Variants in COPS5 observed in about 807,000 individuals in gnomAD.
COPS5 encodes the protein COP9 signalosome subunit 5, also known as COP9 signalosome complex subunit 5.
COPS5 carries 8 observed loss-of-function variants against 44.4 expected under a neutral mutation model. The ratio of observed to expected loss-of-function variants is 0.18; its 90% CI spans 0.11 to 0.32. COPS5 has a LOEUF of 0.32. Among genes scored for constraint, COPS5 ranks in the 10% least tolerant of loss-of-function variants. The probability of loss-of-function intolerance (pLI) is 1.00; values close to 1 mark genes in which losing one functional copy is unlikely to be tolerated. For synonymous variants in COPS5, 122 were observed against 142.8 expected, an observed-to-expected ratio of 0.85 and a Z score of 1.04; for missense variants, 159 against 406.4, an observed-to-expected ratio of 0.39 and a Z score of 5.23.
intron 1 of COPS5, chr8:67,061,510 C>T: frequency 4.6e-6 from 2 of 434,888 alleles, no homozygotes; most frequent in Middle Eastern, 3.7e-4. Flanking sequence ...AGCTGCAATC[C>T]CCAGTTTGGG....
intron 4 of COPS5, 87 bp from the exon 5 acceptor site, chr8:67,056,691 ATATATATATATATATATAT>A (rs1195875475): frequency 7.5e-4 from 98 of 131,054 alleles, no homozygotes; most frequent in Middle Eastern, 3.6e-3. Flanking sequence ...ATATATATAT[ATATATATATATATATATAT>A]AAAAATGAGA....
At position 67,061,837 on chromosome 8, in the gene COPS5, G is replaced by T. The variant is rs1007678657; in HGVS notation, c.143+17C>A. On this transcript the variant is annotated intron_variant, in intron 1 of 7. Coordinates refer to ENST00000357849, the MANE Select transcript of COPS5 (RefSeq NM_006837.3). ...CCACCCTTTCCCTCCCCTGCGTCTC[G>T]CCAGGGACCTCCTCACTCCTTAGTC... is the stretch of plus-strand genomic sequence containing the variant. 6.2e-7 allele frequency: 1 copy of T among 1,613,310 alleles called. No homozygotes were observed. Among genetic ancestry groups the T allele is most frequent in the Non-Finnish European group, 8.5e-7 (1 of 1,179,460 alleles).
At chr8:67,047,645 G>A in intron 6 of COPS5, 1 of 578,658 alleles carries the variant, frequency 1.7e-6, no homozygotes. Context: ...ATGCTGCAAT[G>A]TACTATACAT....
intron 5 of COPS5, among the ~76,000 whole-genome samples, chr8:67,054,708 A>T (rs1804474310): frequency 6.6e-6 from 1 of 152,258 alleles, no homozygotes; most frequent in Non-Finnish European, 1.5e-5. Flanking sequence ...GTAGTAGCAC[A>T]TGGGTAGCCA....
At chr8:67,060,609 T>G in intron 1 of COPS5, 1 of 705,154 alleles carries the variant, frequency 1.4e-6, no homozygotes, top group Non-Finnish European at 2.1e-6. Context: ...CGACTCTTTT[T>G]ATACATTATC....
In COPS5 at chr8:67,050,734, C is replaced by T. The variant is rs374417065; in HGVS notation, c.771+496G>A. Among the ~76,000 whole-genome samples the T allele has an allele frequency of 4.1e-5, 6 of 147,548 alleles. No individual in the cohort carries two copies. The East Asian group carries it at 5.9e-4, about 15-fold the overall frequency. On this transcript the variant is annotated intron_variant, in intron 6 of 7. Coordinates refer to ENST00000357849, the MANE Select transcript of COPS5 (RefSeq NM_006837.3). Reference sequence around the variant, plus strand: ...GCTTTCACATGAAGCCTGAAACTAGCGTTAACTAAGATGAAATCAATGCTA... The same window carrying T: ...GCTTTCACATGAAGCCTGAAACTAGTGTTAACTAAGATGAAATCAATGCTA...
At chr8:67,052,327 G>A (rs927483810) in intron 5 of COPS5, among the ~76,000 whole-genome samples, 3 of 151,628 alleles carry the variant, frequency 2.0e-5, no homozygotes, top group Non-Finnish European at 2.9e-5. Context: ...GGGTTTAGCT[G>A]GAAAATTTAG....
chr8:67,062,066 G>T lies in COPS5; in HGVS notation c.-70C>A. 1 of 1,608,974 alleles carries T rather than the reference G, an allele frequency of 6.2e-7. No homozygotes were observed. Among genetic ancestry groups the T allele is most frequent in the Non-Finnish European group, 8.5e-7 (1 of 1,178,466 alleles). ...ACTTTACCTCGCTAGGTTTCCGGGTGTGGGCCTTGACCCTCCGCACCACGG... is the reference window on the plus strand; with the variant it reads ...ACTTTACCTCGCTAGGTTTCCGGGTTTGGGCCTTGACCCTCCGCACCACGG... On this transcript the variant is annotated 5_prime_UTR_variant, in exon 1 of 8. Coordinates refer to ENST00000357849, the MANE Select transcript of COPS5 (RefSeq NM_006837.3).
At chr8:67,051,372 T>TAA in intron 5 of COPS5, 31 bp from the exon 6 acceptor site, 32 of 1,102,488 alleles carry the variant, frequency 2.9e-5, no homozygotes, top group South Asian at 6.3e-5. Flanking sequence ...ATTTAGTAAG[T>TAA]AAAAAAAAAA....
At chr8:67,061,217 T>C (rs1317207501) in intron 1 of COPS5, 1 of 266,604 alleles carries the variant, frequency 3.8e-6, no homozygotes, top group Non-Finnish European at 7.5e-6. Flanking sequence ...TTATAATTTC[T>C]GGCTTATGGG....
At chr8:67,052,085 T>TTA (rs1334152225) in intron 5 of COPS5, among the ~76,000 whole-genome samples, 1 of 152,180 alleles carries the variant, frequency 6.6e-6, no homozygotes, top group Non-Finnish European at 1.5e-5. Flanking sequence ...CAATAAGTGA[T>TTA]GCTACAGTGC....
intron 5 of COPS5, 121 bp downstream of exon 5, chr8:67,056,398 T>A (rs1216892589): frequency 1.2e-5 from 4 of 343,558 alleles, no homozygotes; most frequent in African/African-American, 9.1e-5. Flanking sequence ...TCTCACTATG[T>A]TGCCCAGGCT....
intron 1 of COPS5, chr8:67,061,642 T>C: frequency 1.7e-6 from 1 of 575,572 alleles, no homozygotes; most frequent in Non-Finnish European, 3.1e-6. Context: ...GTTCTCCCCT[T>C]ACATCACCCG....
chr8:67,055,874 G>C (rs1440857907), intron 5 of COPS5, among the ~76,000 whole-genome samples: 1 of 119,250 alleles, frequency 8.4e-6, no homozygotes, highest in Non-Finnish European at 1.7e-5. Flanking sequence ...TTGGGGGTGG[G>C]GGGAGGGTAT....
intron 1 of COPS5, chr8:67,059,758 G>A (rs1804559080): frequency 3.4e-6 from 1 of 296,360 alleles, no homozygotes. Context: ...ACCCAATCTT[G>A]GATTCTGACT....
At chr8:67,054,887 AAAAGATGTCAAAAC>A (rs753486152) in intron 5 of COPS5, among the ~76,000 whole-genome samples, 1 of 152,246 alleles carries the variant, frequency 6.6e-6, no homozygotes, top group African/African-American at 2.4e-5. Context: ...GGGGTCAAAA[AAAAGATGTCAAAAC>A]ATATCAGATG....
rs1430930513 is a variant in COPS5, at chr8:67,045,964, T to G, written c.772-4A>C. 17 of 1,612,836 alleles carry G rather than the reference T, an allele frequency of 1.1e-5. No homozygotes were observed. The highest frequency in any genetic ancestry group is 1.4e-5 in the Non-Finnish European group (17 of 1,179,442). ...GACCAGTGGTATAGTCTGCATTCTG[T>G]GGGGAAAGTGGTATTGTGTCACTGC... On this transcript the variant is annotated splice_region_variant and splice_polypyrimidine_tract_variant and intron_variant, in intron 6 of 7. Transcript: ENST00000357849.
At chr8:67,053,171 C>A (rs550034410) in intron 5 of COPS5, among the ~76,000 whole-genome samples, 123 of 152,042 alleles carry the variant, frequency 8.1e-4, no homozygotes, top group Middle Eastern at 6.8e-3. Context: ...CTCACTGCAA[C>A]GTTTGCCTCC....
intron 6 of COPS5, among the ~76,000 whole-genome samples, chr8:67,048,801 A>G (rs1383589046): frequency 6.6e-6 from 1 of 152,122 alleles, no homozygotes; most frequent in Non-Finnish European, 1.5e-5. Context: ...ATTAAAAAAA[A>G]TCATTAATTG....
Sources: gnomAD v4.1 joint callset for allele counts (sites outside exome capture counted in the v4.1 genomes callset) on GRCh38, gnomAD v4.1.1 for gene constraint, MANE v1.5 for transcripts, NCBI Gene and HGNC (gene_info 2026-07-23, HGNC 2026-07-21) for gene names.